Variants in SETBP1 observed in about 807,000 individuals in gnomAD.
The protein encoded by SETBP1 is SET-binding protein.
A neutral mutation model predicts 101.0 loss-of-function variants in SETBP1; 9 were observed. That is an observed-to-expected ratio of 0.09 (90% confidence interval 0.05 to 0.16). SETBP1 has a LOEUF of 0.16. SETBP1 is among the 10% of genes least tolerant of loss of function. The pLI, the probability that SETBP1 is intolerant of heterozygous loss-of-function variation, is 1.00. For missense variants in SETBP1, 1,858 were observed against 2,033.8 expected (o/e 0.91, Z 1.66); for synonymous variants, 818 against 788.5 (o/e 1.04, Z -0.63).
chr18:44,917,706 TC>T (rs1423508036), intron 3 of SETBP1, among the ~76,000 whole-genome samples: 3 of 152,136 alleles, frequency 2.0e-5, no homozygotes, highest in Non-Finnish European at 4.4e-5. Flanking sequence ...CTCCAGCTTG[TC>T]CTCAAGCCTG....
In SETBP1 at chr18:45,063,481, C is replaced by T; in HGVS notation, c.4574C>T (p.Pro1525Leu). 7.0e-7 allele frequency: 1 copy of T among 1,438,096 alleles called. No individual in the cohort carries two copies. The highest frequency in any genetic ancestry group is 1.5e-5 in the South Asian group (1 of 66,954). The allele number at this position is 1,438,096 out of a possible 1,614,324, so 89.1% of individuals were successfully genotyped here. ...CGGGAGGCGCCGCCCCTGCCCCCGCCACCGCCGCCGCCCCTGCCGCCACCG... is the reference window on the plus strand; with the variant it reads ...CGGGAGGCGCCGCCCCTGCCCCCGCTACCGCCGCCGCCCCTGCCGCCACCG... ...MAREAPPLPP[P>L]PPPPLPPPPP... Residue 1525 changes from proline (P) to leucine (L), a missense_variant, in exon 6 of 6, where the codon CCA (proline) becomes CTA (leucine). By Grantham distance (98) the Pro-to-Leu change is moderately conservative (BLOSUM62 -3). Coordinates refer to ENST00000649279, the MANE Select transcript of SETBP1 (RefSeq NM_015559.3).
intron 2 of SETBP1, among the ~76,000 whole-genome samples, chr18:44,781,442 T>G (rs1367469571): frequency 1.3e-5 from 2 of 151,500 alleles, no homozygotes; most frequent in African/African-American, 4.9e-5. Flanking sequence ...TGTGCTTCTT[T>G]GCACCGCTCT....
intron 3 of SETBP1, among the ~76,000 whole-genome samples, chr18:44,874,685 T>C (rs1428781545): frequency 6.6e-6 from 1 of 152,116 alleles, no homozygotes; most frequent in African/African-American, 2.4e-5. Flanking sequence ...AACGATTAAG[T>C]GTTCAGAGGA....
At chr18:44,836,592 A>G (rs570206533) in intron 2 of SETBP1, among the ~76,000 whole-genome samples, 4 of 152,314 alleles carry the variant, frequency 2.6e-5, no homozygotes, top group African/African-American at 9.6e-5. Flanking sequence ...CTGGACAACC[A>G]TGGGTTGCCC....
At chr18:44,763,422 C>T (rs866688869) in intron 2 of SETBP1, among the ~76,000 whole-genome samples, 2 of 152,310 alleles carry the variant, frequency 1.3e-5, no homozygotes, top group South Asian at 2.1e-4. Flanking sequence ...TCCCTCTAGG[C>T]TTCCTGGCAT....
chr18:44,914,185 G>A (rs2070377380), intron 3 of SETBP1, among the ~76,000 whole-genome samples: 1 of 152,168 alleles, frequency 6.6e-6, no homozygotes, highest in Non-Finnish European at 1.5e-5. Flanking sequence ...CTTTGCACAG[G>A]TGTCAACCCA....
At chr18:44,871,853 T>C (rs2069283432) in intron 3 of SETBP1, 2 of 152,216 alleles carry the variant, frequency 1.3e-5, no homozygotes, top group Non-Finnish European at 2.9e-5. Flanking sequence ...CCCCAGAGGC[T>C]GGTGAGCCTG....
chr18:44,872,903 C>T (rs1027069041), intron 3 of SETBP1, among the ~76,000 whole-genome samples: 1 of 152,220 alleles, frequency 6.6e-6, no homozygotes, highest in Non-Finnish European at 1.5e-5. Flanking sequence ...GGATTTGGTC[C>T]TCACCTGCTA....
At chr18:44,794,703 C>A (rs1021928711) in intron 2 of SETBP1, among the ~76,000 whole-genome samples, 3 of 152,154 alleles carry the variant, frequency 2.0e-5, no homozygotes, top group Non-Finnish European at 1.5e-5. Context: ...TCTAAAGTCA[C>A]TCAAATAAAC....
At position 45,028,309 on chromosome 18, in the gene SETBP1, T is replaced by C. The variant is rs1599467003; in HGVS notation, c.4001-10176T>C. Among the ~76,000 whole-genome samples, 6 of 152,080 alleles carry C rather than the reference T, an allele frequency of 3.9e-5. No individual in the cohort carries two copies. The South Asian group carries it at 1.2e-3, about 32-fold the overall frequency. ...GTTTACTGAGAATGATGATTTCCAATTTCATCCATGGCCCTACAAAGGACA... is the reference window on the plus strand; with the variant it reads ...GTTTACTGAGAATGATGATTTCCAACTTCATCCATGGCCCTACAAAGGACA... On this transcript the variant is annotated intron_variant, in intron 4 of 5. Transcript: ENST00000649279.
intron 3 of SETBP1, among the ~76,000 whole-genome samples, chr18:44,884,055 G>A (rs2069587930): frequency 6.6e-6 from 1 of 152,164 alleles, no homozygotes; most frequent in Non-Finnish European, 1.5e-5. Context: ...TCCTAGCAAC[G>A]AAATGAGCTC....
intron 3 of SETBP1, among the ~76,000 whole-genome samples, chr18:44,937,318 A>G (rs1002184217): frequency 3.3e-5 from 5 of 151,124 alleles, no homozygotes; most frequent in Non-Finnish European, 4.5e-5. Flanking sequence ...AGCCGGGCGT[A>G]GTGGCGGGCG....
At chr18:44,837,873 C>T (rs772558864) in intron 2 of SETBP1, among the ~76,000 whole-genome samples, 5 of 152,144 alleles carry the variant, frequency 3.3e-5, no homozygotes, top group African/African-American at 9.7e-5. Flanking sequence ...GCCTTACAGT[C>T]GTGGGTGTAT....
intron 2 of SETBP1, among the ~76,000 whole-genome samples, chr18:44,843,671 CCAGT>C (rs2072666809): frequency 6.6e-6 from 1 of 152,292 alleles, no homozygotes; most frequent in African/African-American, 2.4e-5. Flanking sequence ...ACATGCCTCT[CCAGT>C]CAAAGGGGCC....
chr18:44,941,949 T>G (rs1270048944), intron 3 of SETBP1, among the ~76,000 whole-genome samples: 1 of 152,208 alleles, frequency 6.6e-6, no homozygotes, highest in Non-Finnish European at 1.5e-5. Context: ...ACCCTCCTGA[T>G]TGTGGGTCCC....
chr18:44,766,693 C>T (rs2070769363), intron 2 of SETBP1, among the ~76,000 whole-genome samples: 3 of 152,004 alleles, frequency 2.0e-5, no homozygotes, highest in Admixed American at 2.0e-4. Flanking sequence ...TGAAAATGAG[C>T]CATGGGTGGT....
chr18:44,711,560 C>G (rs2069345206), intron 2 of SETBP1, among the ~76,000 whole-genome samples: 1 of 146,974 alleles, frequency 6.8e-6, no homozygotes, highest in Non-Finnish European at 1.5e-5. Flanking sequence ...GGGTCTTGCT[C>G]TGTTGCCCAG....
intron 2 of SETBP1, among the ~76,000 whole-genome samples, chr18:44,843,359 A>G (rs1399156305): frequency 6.6e-6 from 1 of 152,152 alleles, no homozygotes; most frequent in Non-Finnish European, 1.5e-5. Context: ...CATGCACACC[A>G]CACCCCTACT....
chr18:44,975,188 G>T (rs1419179894), intron 4 of SETBP1, among the ~76,000 whole-genome samples: 1 of 152,164 alleles, frequency 6.6e-6, no homozygotes, highest in Non-Finnish European at 1.5e-5. Context: ...CACTGAGAAA[G>T]AAATTTATGA....
Sources: allele counts gnomAD v4.1 joint callset (sites outside exome capture counted in the v4.1 genomes callset), GRCh38; gene constraint gnomAD v4.1.1; transcripts MANE v1.5; gene names NCBI Gene and HGNC (gene_info 2026-07-23, HGNC 2026-07-21).